Variants in PATJ observed in about 807,000 individuals in gnomAD.
PATJ encodes PATJ crumbs cell polarity complex component.
Under a neutral mutation model 224.9 loss-of-function variants are expected in PATJ, and 190 were observed. That is an observed-to-expected ratio of 0.84 (90% CI 0.75 to 0.95). The LOEUF is 0.95. Among genes scored for constraint, PATJ ranks in the 40% least tolerant of loss-of-function variants. PATJ has a pLI of 0.00. For missense variants in PATJ, 2,121 were observed against 2,270.3 expected (o/e 0.93, Z 1.34); for synonymous variants, 769 against 820.3 (o/e 0.94, Z 1.07).
At chr1:61,871,564 T>A (rs905309237) in intron 20 of PATJ, among the ~76,000 whole-genome samples, 15,655 of 46,660 alleles carry the variant, frequency 0.34, 1,074 homozygotes, top group East Asian at 0.6. Flanking sequence ...TATATTTTTT[T>A]TTTTTTTTTT....
At chr1:62,085,098 C>T (rs1385310807) in intron 33 of PATJ, among the ~76,000 whole-genome samples, 5 of 152,174 alleles carry the variant, frequency 3.3e-5, no homozygotes, top group Admixed American at 1.3e-4. Context: ...CCTATCTCTA[C>T]TAAAAATACA....
chr1:61,745,480 G>A (rs926148890), intron 1 of PATJ, among the ~76,000 whole-genome samples: 2 of 152,020 alleles, frequency 1.3e-5, no homozygotes, highest in Admixed American at 1.3e-4. Flanking sequence ...TACCATATTG[G>A]CCAGGCTGGT....
intron 27 of PATJ, 138 bp from the exon 28 acceptor site, chr1:61,990,030 A>G (rs1466433531): frequency 3.0e-6 from 2 of 656,358 alleles, no homozygotes; most frequent in Admixed American, 3.0e-5. Flanking sequence ...CAGTCTGCGC[A>G]ATATAGCAAG....
At chr1:62,061,279 T>C (rs775280611) in intron 31 of PATJ, among the ~76,000 whole-genome samples, 2 of 152,026 alleles carry the variant, frequency 1.3e-5, no homozygotes, top group African/African-American at 2.4e-5. Context: ...CCTCCCAGGT[T>C]CAAGCAATTC....
chr1:61,893,977 C>T (rs1470754029), intron 22 of PATJ, among the ~76,000 whole-genome samples: 1 of 151,482 alleles, frequency 6.6e-6, no homozygotes. Flanking sequence ...AACAGAAGGC[C>T]GGGCATGTGG....
rs1215199188 is a variant in PATJ, at chr1:62,017,942, C to T, written c.3954C>T (p.Phe1318=). Reference sequence around the variant, plus strand: ...CCCCATCAAAGGTCAAGCTGGTTTTCATCAGGTAAGATTGCTAGATCTGGT... The same window carrying T: ...CCCCATCAAAGGTCAAGCTGGTTTTTATCAGGTAAGATTGCTAGATCTGGT... ...KTAPSKVKLV[F]IRNEDAVNQM... Residue 1318 remains phenylalanine, a synonymous_variant, in exon 29 of 44, where the codon TTC becomes TTT. Transcript: ENST00000642238. The T allele has an allele frequency of 1.9e-6, 3 of 1,599,734 alleles. No homozygotes were observed. Among genetic ancestry groups the T allele is most frequent in the African/African-American group, 2.7e-5 (2 of 74,724 alleles).
At chr1:62,011,211 A>G (rs1646426819) in intron 28 of PATJ, among the ~76,000 whole-genome samples, 3 of 152,186 alleles carry the variant, frequency 2.0e-5, no homozygotes, top group South Asian at 4.1e-4. Context: ...TGCATTCACA[A>G]CTTGGCTAAC....
chr1:61,928,221 C>T (rs1471686486), intron 27 of PATJ, among the ~76,000 whole-genome samples: 2 of 152,134 alleles, frequency 1.3e-5, no homozygotes, highest in African/African-American at 4.8e-5. Context: ...TTACAGAAGG[C>T]CCACCAACTT....
intron 20 of PATJ, among the ~76,000 whole-genome samples, chr1:61,874,220 T>A (rs1571039703): frequency 8.2e-6 from 1 of 122,662 alleles, no homozygotes; most frequent in African/African-American, 2.8e-5. Flanking sequence ...TTATTTATTT[T>A]TGAGACAGTG....
intron 31 of PATJ, among the ~76,000 whole-genome samples, chr1:62,061,826 A>C (rs1655504319): frequency 6.6e-6 from 1 of 151,922 alleles, no homozygotes; most frequent in African/African-American, 2.4e-5. Context: ...TGCCCAGCTA[A>C]TATTTTGTAT....
At chr1:62,052,777 T>TA (rs1191341605) in intron 31 of PATJ, among the ~76,000 whole-genome samples, 4 of 151,000 alleles carry the variant, frequency 2.6e-5, no homozygotes, top group Non-Finnish European at 5.9e-5. Flanking sequence ...ATAATGGCAG[T>TA]AAAAAATTAT....
chr1:61,997,982 T>TTTTATATATATATATATCTA (rs374175697), intron 28 of PATJ, among the ~76,000 whole-genome samples: 1 of 118,338 alleles, frequency 8.5e-6, no homozygotes, highest in African/African-American at 3.9e-5. Context: ...TGTGCCCAGC[T>TTTTATATATATATATATCTA]TATATATGTA....
chr1:62,143,560 C>A (rs988874679), intron 41 of PATJ, among the ~76,000 whole-genome samples: 23 of 148,780 alleles, frequency 1.5e-4, no homozygotes, highest in African/African-American at 5.2e-4. Flanking sequence ...AAGCGATTCT[C>A]CTGCCTCAGC....
At chr1:61,901,523 A>G in intron 24 of PATJ, 64 bp downstream of exon 24, 1 of 1,210,292 alleles carries the variant, frequency 8.3e-7, no homozygotes, top group South Asian at 1.4e-5. Flanking sequence ...ATAATCATTT[A>G]GCTAGAAGAC....
intron 9 of PATJ, 84 bp from the exon 10 acceptor site, chr1:61,795,383 G>T (rs1650859581): frequency 5.8e-6 from 4 of 684,416 alleles, no homozygotes; most frequent in Non-Finnish European, 1.0e-5. Flanking sequence ...AACCCCGTTA[G>T]CTAATTAACC....
intron 33 of PATJ, among the ~76,000 whole-genome samples, chr1:62,096,267 C>CTA (rs1661385746): frequency 0.026 from 1 of 38 alleles, no homozygotes; most frequent in African/African-American, 0.1. Context: ...ATTTCTACCA[C>CTA]TGTACATTTG....
chr1:61,806,389 G>A (rs186581340), intron 13 of PATJ, among the ~76,000 whole-genome samples: 27 of 152,138 alleles, frequency 1.8e-4, no homozygotes, highest in Admixed American at 1.7e-3. Flanking sequence ...GGAGGCCGAG[G>A]CGGGCGGATC....
At chr1:61,829,262 G>A (rs1386241657) in intron 16 of PATJ, among the ~76,000 whole-genome samples, 1 of 152,164 alleles carries the variant, frequency 6.6e-6, no homozygotes, top group Non-Finnish European at 1.5e-5. Context: ...GAGGGGCTTG[G>A]TAAATTTTTG....
At chr1:61,844,927 C>G (rs1385319952) in intron 17 of PATJ, among the ~76,000 whole-genome samples, 1 of 152,142 alleles carries the variant, frequency 6.6e-6, no homozygotes, top group Non-Finnish European at 1.5e-5. Flanking sequence ...AGGTGCCCCC[C>G]AGCCATGCGA....
Sources: gnomAD v4.1 joint callset for allele counts (sites outside exome capture counted in the v4.1 genomes callset) on GRCh38, gnomAD v4.1.1 for gene constraint, MANE v1.5 for transcripts, NCBI Gene and HGNC (gene_info 2026-07-23, HGNC 2026-07-21) for gene names.